Variants in RELN observed in about 807,000 individuals in gnomAD.
The protein encoded by RELN is reelin.
A neutral mutation model predicts 427.6 loss-of-function variants in RELN; 108 were observed. The observed-to-expected ratio is 0.25, with a 90% CI of 0.22 to 0.30. The LOEUF (loss-of-function observed/expected upper bound fraction) is 0.30, where lower values mean the gene tolerates loss of function less well. Ranked by LOEUF, RELN falls within the 10% of genes least tolerant of loss-of-function variation. The pLI is 1.00. For synonymous variants in RELN, 1,524 were observed against 1,513.4 expected, an observed-to-expected ratio of 1.01 and a Z score of -0.16; for missense variants, 3,715 against 4,302.8, an observed-to-expected ratio of 0.86 and a Z score of 3.82.
At chr7:103,865,132 C>CAAAAAAAAAAAAAAAA (rs386410871) in intron 2 of RELN, among the ~76,000 whole-genome samples, 2 of 67,198 alleles carry the variant, frequency 3.0e-5, no homozygotes, top group African/African-American at 6.4e-5. Flanking sequence ...GAAACTGTCT[C>CAAAAAAAAAAAAAAAA]AAAAAAAAAA....
At chr7:103,732,018 G>C (rs908886207) in intron 6 of RELN, among the ~76,000 whole-genome samples, 1 of 152,036 alleles carries the variant, frequency 6.6e-6, no homozygotes, top group Non-Finnish European at 1.5e-5. Flanking sequence ...TTCCACAGCC[G>C]TATGTGACTA....
intron 10 of RELN, among the ~76,000 whole-genome samples, chr7:103,696,630 A>G (rs1250147750): frequency 6.6e-6 from 1 of 152,034 alleles, no homozygotes; most frequent in Non-Finnish European, 1.5e-5. Flanking sequence ...CCTGTCCTAT[A>G]AATCTGAAAT....
At chr7:103,697,170 A>G (rs1403837149) in intron 10 of RELN, among the ~76,000 whole-genome samples, 1 of 152,122 alleles carries the variant, frequency 6.6e-6, no homozygotes, top group African/African-American at 2.4e-5. Context: ...CTGGTTCTCA[A>G]TGTGCTCTCT....
At chr7:103,522,314 A>C (rs1227088071) in intron 47 of RELN, 115 bp from the exon 48 acceptor site, 1 of 1,030,056 alleles carries the variant, frequency 9.7e-7, no homozygotes, top group African/African-American at 1.6e-5. Context: ...AAAGTTACTG[A>C]TTTTCAGAGA....
At chr7:103,810,573 T>G (rs1312837037) in intron 3 of RELN, among the ~76,000 whole-genome samples, 1 of 152,128 alleles carries the variant, frequency 6.6e-6, no homozygotes, top group African/African-American at 2.4e-5. Flanking sequence ...AGCAGGCCAG[T>G]GACAAGGCGC....
At chr7:103,817,774 C>T (rs920887660) in intron 3 of RELN, among the ~76,000 whole-genome samples, 8 of 151,702 alleles carry the variant, frequency 5.3e-5, no homozygotes, top group Admixed American at 1.3e-4. Flanking sequence ...GATGAAACCT[C>T]GTTTCTACTA....
intron 28 of RELN, among the ~76,000 whole-genome samples, chr7:103,589,127 T>A (rs1831349748): frequency 6.6e-6 from 1 of 152,186 alleles, no homozygotes; most frequent in Non-Finnish European, 1.5e-5. Context: ...GGTCTCAGCT[T>A]TTTGGTGACT....
At chr7:103,930,527 A>G (rs968752858) in intron 1 of RELN, among the ~76,000 whole-genome samples, 1 of 151,888 alleles carries the variant, frequency 6.6e-6, no homozygotes, top group Non-Finnish European at 1.5e-5. Context: ...GGGCAGTGGC[A>G]CAATCAAGGA....
rs78947473 is a variant in RELN, at chr7:103,841,288, A to G, written c.338-7616T>C. On this transcript the variant is annotated intron_variant, in intron 2 of 64. Coordinates refer to ENST00000428762, the MANE Select transcript of RELN (RefSeq NM_005045.4). Reference sequence around the variant, plus strand: ...GCTGTAATTTCTGTACCAACAATCAATATCACTCTGTAAAGCCATGATTCC... The same window carrying G: ...GCTGTAATTTCTGTACCAACAATCAGTATCACTCTGTAAAGCCATGATTCC... Among the ~76,000 whole-genome samples, 692 of 152,322 alleles carry G rather than the reference A, an allele frequency of 4.5e-3. 10 individuals are homozygous for G. The highest frequency in any genetic ancestry group is 0.016 in the African/African-American group (661 of 41,584).
chr7:103,861,728 A>G (rs1198557372), intron 2 of RELN, among the ~76,000 whole-genome samples: 2 of 152,196 alleles, frequency 1.3e-5, no homozygotes, highest in Non-Finnish European at 2.9e-5. Flanking sequence ...GACTTTTATG[A>G]AAGTAAAATC....
intron 6 of RELN, among the ~76,000 whole-genome samples, chr7:103,745,716 G>C (rs564412524): frequency 6.7e-6 from 1 of 150,022 alleles, no homozygotes; most frequent in South Asian, 2.1e-4. Context: ...AAAGGGATGT[G>C]AAGGACCTCT....
chr7:103,865,003 C>A (rs531942076), intron 2 of RELN, among the ~76,000 whole-genome samples: 1 of 151,652 alleles, frequency 6.6e-6, no homozygotes, highest in South Asian at 2.1e-4. Flanking sequence ...TGGTGGCAGG[C>A]ACCTGTAATC....
intron 2 of RELN, among the ~76,000 whole-genome samples, chr7:103,915,489 A>G (rs1795464719): frequency 6.6e-6 from 1 of 152,162 alleles, no homozygotes; most frequent in Non-Finnish European, 1.5e-5. Flanking sequence ...TGATCACAGG[A>G]TCCCACCACT....
chr7:103,880,123 T>C (rs541811920), intron 2 of RELN, among the ~76,000 whole-genome samples: 2 of 152,118 alleles, frequency 1.3e-5, no homozygotes, highest in East Asian at 3.9e-4. Context: ...TTGTTCTTCA[T>C]CTCTGTTACT....
intron 3 of RELN, among the ~76,000 whole-genome samples, chr7:103,794,300 C>T (rs1033234264): frequency 6.6e-6 from 1 of 152,076 alleles, no homozygotes; most frequent in African/African-American, 2.4e-5. Flanking sequence ...TCTGAACAGA[C>T]GAACTGCTAT....
intron 22 of RELN, among the ~76,000 whole-genome samples, chr7:103,607,511 G>C (rs1166855380): frequency 6.6e-6 from 1 of 152,146 alleles, no homozygotes; most frequent in Non-Finnish European, 1.5e-5. Context: ...ATCTTAGGAA[G>C]AAAATCTTGT....
intron 11 of RELN, among the ~76,000 whole-genome samples, chr7:103,672,992 T>C (rs1833427571): frequency 6.6e-6 from 1 of 152,142 alleles, no homozygotes; most frequent in Non-Finnish European, 1.5e-5. Context: ...TAGTTCCTCT[T>C]TGACTTTCTA....
At chr7:103,907,422 A>G (rs1402760051) in intron 2 of RELN, among the ~76,000 whole-genome samples, 1 of 146,706 alleles carries the variant, frequency 6.8e-6, no homozygotes, top group South Asian at 2.2e-4. Context: ...CTGGAAAAAA[A>G]AAAAAAAAAA....
At position 103,951,295 on chromosome 7, in the gene RELN, G is replaced by T. The variant is rs1584395467; in HGVS notation, c.227-34110C>A. ...CAAATCACATATATATCAAGATACT[G>T]TCTTTGAATTATATCAAAACAAAAT... On this transcript the variant is annotated intron_variant, in intron 1 of 64. Transcript: ENST00000428762. 2.0e-5 allele frequency among the ~76,000 whole-genome samples: 3 copies of T among 152,132 alleles called. No individual in the cohort carries two copies. In the South Asian group the frequency reaches 6.2e-4, roughly 31 times the overall value.
Sources: allele counts gnomAD v4.1 joint callset (sites outside exome capture counted in the v4.1 genomes callset), GRCh38; gene constraint gnomAD v4.1.1; transcripts MANE v1.5; gene names NCBI Gene and HGNC (gene_info 2026-07-23, HGNC 2026-07-21).